Variants in CRBN observed in about 807,000 individuals in gnomAD.
CRBN encodes the protein protein cereblon.
CRBN carries 53 observed loss-of-function variants against 62.2 expected under a neutral mutation model. The observed-to-expected ratio is 0.85, with a 90% confidence interval of 0.68 to 1.07. The LOEUF is 1.07. Ranked by LOEUF, CRBN falls within the 50% of genes least tolerant of loss-of-function variation. CRBN has a pLI of 0.00. For missense variants in CRBN, 616 were observed against 531.1 expected, an observed-to-expected ratio of 1.16 and a Z score of -1.57; for synonymous variants, 208 against 176.1, an observed-to-expected ratio of 1.18 and a Z score of -1.43.
rs1432012862 is a variant in CRBN at position 3,150,446 on chromosome 3, C to G, written c.*419G>C. 1 of 170,866 alleles carries G rather than the reference C, an allele frequency of 5.9e-6. No homozygotes were observed. Among genetic ancestry groups the G allele is most frequent in the African/African-American group, 2.4e-5 (1 of 41,414 alleles). The allele number at this position is 170,866 out of a possible 1,614,324, so 10.6% of individuals were successfully genotyped here. Reference sequence around the variant, plus strand: ...ACCCTAGCTTTTGTTATTTAGAGCACTGGTACAGATACGCTGTCCCATACA... The same window carrying G: ...ACCCTAGCTTTTGTTATTTAGAGCAGTGGTACAGATACGCTGTCCCATACA... On this transcript the variant is annotated 3_prime_UTR_variant, in exon 11 of 11. Transcript: ENST00000231948.
At chr3:3,158,123 C>A (rs1706981325) in intron 5 of CRBN, among the ~76,000 whole-genome samples, 1 of 152,138 alleles carries the variant, frequency 6.6e-6, no homozygotes, top group African/African-American at 2.4e-5. Context: ...AACAGTTTTT[C>A]CAAAGATGGG....
chr3:3,167,777 C>T lies in CRBN; in HGVS notation c.544G>A (p.Val182Met). The change falls in exon 5 of 11, where the codon GTG (valine) becomes ATG (methionine). Residue 182 changes from valine (V) to methionine (M), a missense_variant. Physicochemically the swap from Val to Met is conservative, Grantham distance 21 (BLOSUM62 1). Coordinates refer to ENST00000231948, the MANE Select transcript of CRBN (RefSeq NM_016302.4). ...AACACACATTCGGGAAGAATTTGCACTTTAGCTTGCTGGATTCTAAAATAA... is the reference window on the plus strand; with the variant it reads ...AACACACATTCGGGAAGAATTTGCATTTTAGCTTGCTGGATTCTAAAATAA... ...TQSDGIQQAK[V>M]QILPECVLPS... 1 of 1,613,446 alleles carries T rather than the reference C, an allele frequency of 6.2e-7. No individual in the cohort carries two copies. Among genetic ancestry groups the T allele is most frequent in the Non-Finnish European group, 8.5e-7 (1 of 1,179,550 alleles).
rs1242982383 is a variant in CRBN at position 3,164,038 on chromosome 3, AC to A, written c.687+3595del. ...ACTGTTTTGGGGCACCACAAACTGC[AC>A]CCATTTAAGACAGTAAACTTAACAA... On this transcript the variant is annotated intron_variant, in intron 5 of 10. Coordinates refer to ENST00000231948, the MANE Select transcript of CRBN (RefSeq NM_016302.4). Among the ~76,000 whole-genome samples, 4 of 152,164 alleles carry A rather than the reference AC, an allele frequency of 2.6e-5. 1 individual carries two copies. The highest frequency in any genetic ancestry group is 9.7e-5 in the African/African-American group (4 of 41,434).
intron 6 of CRBN, 165 bp downstream of exon 6, chr3:3,156,054 T>C: frequency 1.6e-6 from 1 of 640,398 alleles, no homozygotes; most frequent in South Asian, 1.9e-5. Context: ...TCCCCCTGCC[T>C]TGGCCTCCCA....
At chr3:3,156,926 T>G (rs1210200188) in intron 5 of CRBN, 1 of 152,378 alleles carries the variant, frequency 6.6e-6, no homozygotes. Flanking sequence ...GTAGAAATTG[T>G]AGAATTTCAG....
At chr3:3,168,051 A>C (rs754281864) in intron 4 of CRBN, among the ~76,000 whole-genome samples, 3 of 152,112 alleles carry the variant, frequency 2.0e-5, no homozygotes, top group African/African-American at 4.8e-5. Flanking sequence ...GGAGATCTAC[A>C]CATTTCAGAT....
At chr3:3,159,661 C>T (rs1438508322) in intron 5 of CRBN, among the ~76,000 whole-genome samples, 1 of 152,184 alleles carries the variant, frequency 6.6e-6, no homozygotes, top group African/African-American at 2.4e-5. Context: ...AATTCTTTAT[C>T]TGGAGCATCC....
intron 1 of CRBN, among the ~76,000 whole-genome samples, chr3:3,178,924 A>G (rs1256121270): frequency 1.3e-5 from 2 of 152,198 alleles, no homozygotes; most frequent in African/African-American, 4.8e-5. Flanking sequence ...ACAAGGCCAA[A>G]GTCTAAACAT....
chr3:3,172,841 T>C lies in CRBN; in HGVS notation c.462A>G (p.Ile154Met), dbSNP rs995853482. ...GTCTTCCAATTGCTTTCACTTTCAC[T>C]ATCTCAATTCCAAAATCCTGTTCTT... ...YREEQDFGIE[I>M]VKVKAIGRQR... Residue 154 changes from isoleucine to methionine, a missense_variant, in exon 4 of 11, where the codon ATA (isoleucine) becomes ATG (methionine). Physicochemically the swap from Ile to Met is conservative, Grantham distance 10 (BLOSUM62 1). Transcript: ENST00000231948. 1.9e-6 allele frequency: 3 copies of C among 1,613,814 alleles called. No individual in the cohort carries two copies. Among genetic ancestry groups the C allele is most frequent in the Non-Finnish European group, 2.5e-6 (3 of 1,179,694 alleles).
At chr3:3,159,601 A>G (rs1707053366) in intron 5 of CRBN, among the ~76,000 whole-genome samples, 1 of 152,248 alleles carries the variant, frequency 6.6e-6, no homozygotes, top group Non-Finnish European at 1.5e-5. Context: ...CATGCCCATG[A>G]GCAAGCTACA....
intron 5 of CRBN, among the ~76,000 whole-genome samples, chr3:3,161,241 A>T (rs1209383789): frequency 6.6e-6 from 1 of 152,230 alleles, no homozygotes; most frequent in Non-Finnish European, 1.5e-5. Flanking sequence ...AGGAACTCCC[A>T]AGAAATCAAC....
intron 10 of CRBN, 148 bp from the exon 11 acceptor site, chr3:3,151,193 CCTAAAAACATTT>C (rs1458159934): frequency 1.1e-5 from 9 of 811,592 alleles, no homozygotes; most frequent in African/African-American, 7.0e-5. Flanking sequence ...TTCCCTGAAA[CCTAAAAACATTT>C]CTAAAAACAT....
rs559885986 is a variant in CRBN, at chr3:3,172,410, C to T, written c.527+366G>A. 2.6e-3 allele frequency: 739 copies of T among 285,958 alleles called. 2 individuals are homozygous for T. The highest frequency in any genetic ancestry group is 4.2e-3 in the Non-Finnish European group (616 of 147,370). The allele number at this position is 285,958 out of a possible 1,614,324, so 17.7% of individuals were successfully genotyped here. A position where few individuals can be genotyped will look rare whatever the true frequency, so the allele number is the denominator to read the frequency against. ...CTGGTCTCCCTATCCTCTTATGCTC[C>T]GAGAGGCCTTCAATCCTAAAGAAGC... On this transcript the variant is annotated intron_variant, in intron 4 of 10. Transcript: ENST00000231948.
chr3:3,153,768 C>A, intron 8 of CRBN, 192 bp downstream of exon 8: 1 of 626,230 alleles, frequency 1.6e-6, no homozygotes, highest in South Asian at 1.9e-5. Context: ...AGTTATTTTT[C>A]ACTAAGTTGA....
Position 3,154,072 on chromosome 3 carries a change from A to C in CRBN, c.839T>G (p.Phe280Cys). ...AAGACAAGCAGCTACTCTGTAAGAAAAATCTTCAAGACATGGTTTTTCAAG... is the reference window on the plus strand; with the variant it reads ...AAGACAAGCAGCTACTCTGTAAGAACAATCTTCAAGACATGGTTTTTCAAG... ...DDSLPSNPIDFSYRVAACLPI... is the reference protein window; with the variant it reads ...DDSLPSNPIDCSYRVAACLPI... The change falls in exon 8 of 11, where the codon TTT becomes TGT. Residue 280 changes from phenylalanine to cysteine, a missense_variant. Transcript: ENST00000231948. 6.3e-7 allele frequency: 1 copy of C among 1,596,198 alleles called. No individual in the cohort carries two copies. The highest frequency in any genetic ancestry group is 8.6e-7 in the Non-Finnish European group (1 of 1,163,672).
intron 1 of CRBN, among the ~76,000 whole-genome samples, chr3:3,176,510 C>A (rs1575103048): frequency 6.6e-6 from 1 of 152,234 alleles, no homozygotes; most frequent in East Asian, 1.9e-4. Context: ...ACGAGGCAGG[C>A]AGATCACTTG....
chr3:3,173,860 C>A, intron 3 of CRBN, 199 bp downstream of exon 3: 2 of 599,632 alleles, frequency 3.3e-6, no homozygotes, highest in Non-Finnish European at 6.0e-6. Flanking sequence ...AGGTGAAGAG[C>A]TGAGTTAGAT....
intron 4 of CRBN, among the ~76,000 whole-genome samples, chr3:3,169,851 G>A (rs924749676): frequency 6.6e-6 from 1 of 151,934 alleles, no homozygotes; most frequent in Non-Finnish European, 1.5e-5. Flanking sequence ...ATGCTAAGAA[G>A]TAGGAACTTC....
In CRBN at chr3:3,153,444, T is replaced by G; in HGVS notation, c.996A>C (p.Thr332=). ...CCKQCQETEI[T]TKNEIFSLSL... is the part of the protein sequence containing the mutation. ...CTTACCTGAATATTTCATTTTTGGT[T>G]GTTATTTCTGTTTCTTGACATTGTT... is the stretch of plus-strand genomic sequence containing the variant. The change falls in exon 9 of 11, where the codon ACA becomes ACC. Residue 332 remains threonine (T), a synonymous_variant. Transcript: ENST00000231948. 2 of 1,565,020 alleles carry G rather than the reference T, an allele frequency of 1.3e-6. No individual in the cohort carries two copies. Among genetic ancestry groups the G allele is most frequent in the Non-Finnish European group, 1.8e-6 (2 of 1,135,566 alleles).
Sources: gnomAD v4.1 joint callset for allele counts (sites outside exome capture counted in the v4.1 genomes callset) on GRCh38, gnomAD v4.1.1 for gene constraint, MANE v1.5 for transcripts, NCBI Gene and HGNC (gene_info 2026-07-23, HGNC 2026-07-21) for gene names.